PIK3AP1: variants seen among roughly 807,000 people sequenced by gnomAD.
PIK3AP1 encodes the protein phosphoinositide-3-kinase adaptor protein 1.
Under a neutral mutation model 88.1 loss-of-function variants are expected in PIK3AP1, and 21 were observed. The ratio of observed to expected loss-of-function variants is 0.24; its 90% CI spans 0.17 to 0.34. PIK3AP1 has a LOEUF of 0.34. PIK3AP1 is among the 10% of genes least tolerant of loss of function. The pLI, the probability that PIK3AP1 is intolerant of heterozygous loss-of-function variation, is 1.00. For missense variants in PIK3AP1, 828 were observed against 1,035.7 expected (o/e 0.80, Z 2.75); for synonymous variants, 398 against 400.0 (o/e 1.00, Z 0.06).
intron 2 of PIK3AP1, among the ~76,000 whole-genome samples, chr10:96,689,396 C>T (rs1343990439): frequency 6.6e-6 from 1 of 151,036 alleles, no homozygotes; most frequent in Non-Finnish European, 1.5e-5. Context: ...AACCCCGTCT[C>T]TACTAAAAAT....
intron 2 of PIK3AP1, among the ~76,000 whole-genome samples, chr10:96,698,589 TG>T (rs1166436429): frequency 6.6e-6 from 1 of 152,054 alleles, no homozygotes; most frequent in Admixed American, 6.6e-5. Context: ...TAAACTAAGC[TG>T]GGTGCAGTGG....
In PIK3AP1 at chr10:96,700,962, A is replaced by AT. The variant is rs1844290693; in HGVS notation, c.430+8604dup. 4 of 880,666 alleles carry AT rather than the reference A, an allele frequency of 4.5e-6. No individual in the cohort carries two copies. The South Asian group carries it at 2.1e-4, about 46-fold the overall frequency. 54.6% of individuals were successfully genotyped at this position (880,666 alleles called of 1,614,324 possible). On this transcript the variant is annotated intron_variant, in intron 2 of 16. Transcript: ENST00000339364. ...TGCCCATAACAGCCCATAATAGCCT[A>AT]TAACAGACCACAGGGCCTGAGCTAC...
chr10:96,653,222 T>G (rs1404404409), intron 3 of PIK3AP1, among the ~76,000 whole-genome samples: 1 of 151,642 alleles, frequency 6.6e-6, no homozygotes, highest in Non-Finnish European at 1.5e-5. Flanking sequence ...CTGGCCAACA[T>G]GGTGAAACCC....
intron 2 of PIK3AP1, chr10:96,700,674 C>T: frequency 5.4e-6 from 2 of 367,730 alleles, no homozygotes; most frequent in Non-Finnish European, 7.6e-6. Flanking sequence ...AAGAGCAACC[C>T]AACAGCCCAC....
intron 8 of PIK3AP1, among the ~76,000 whole-genome samples, chr10:96,632,532 T>G (rs773626163): frequency 9.4e-5 from 14 of 148,498 alleles, no homozygotes; most frequent in Non-Finnish European, 2.0e-4. Context: ...CTAAGTACCT[T>G]CCACAGACAC....
chr10:96,628,142 T>TA (rs1227381134), intron 9 of PIK3AP1, among the ~76,000 whole-genome samples: 3 of 151,998 alleles, frequency 2.0e-5, no homozygotes, highest in African/African-American at 7.3e-5. Context: ...CAGATGCATT[T>TA]AAAAAAAACT....
intron 8 of PIK3AP1, among the ~76,000 whole-genome samples, chr10:96,628,913 T>TC (rs1843198326): frequency 8.6e-6 from 1 of 116,376 alleles, no homozygotes; most frequent in African/African-American, 3.5e-5. Flanking sequence ...TATATGTGTA[T>TC]ATATATATAT....
intron 8 of PIK3AP1, among the ~76,000 whole-genome samples, chr10:96,643,738 A>C (rs574370353): frequency 6.6e-6 from 1 of 152,210 alleles, no homozygotes; most frequent in African/African-American, 2.4e-5. Flanking sequence ...TCTCCAAGGC[A>C]TCCTGTTGGT....
At position 96,652,735 on chromosome 10, in the gene PIK3AP1, C is replaced by T; in HGVS notation, c.675G>A (p.Lys225=). 6.2e-7 allele frequency: 1 copy of T among 1,614,192 alleles called. No individual in the cohort carries two copies. The highest frequency in any genetic ancestry group is 1.1e-5 in the South Asian group (1 of 91,082). ...CTGAAATGGTGTACTCATTCTCCACCTTGGCTTCCATCCTTACAGAGGGAG... is the reference window on the plus strand; with the variant it reads ...CTGAAATGGTGTACTCATTCTCCACTTTGGCTTCCATCCTTACAGAGGGAG... ...EDSPSVRMEA[K]VENEYTISVK... The change falls in exon 4 of 17, where the codon AAG becomes AAA. Residue 225 remains lysine (K), a synonymous_variant. Transcript: ENST00000339364.
rs11188874 is a variant in PIK3AP1 at position 96,653,272 on chromosome 10, G to A, written c.568-430C>T. ...ATACAAAAATTAGCCAGGAGTGGTG[G>A]TGGGTGCCTGTAGTTCCAGTTACTC... On this transcript the variant is annotated intron_variant, in intron 3 of 16. Coordinates refer to ENST00000339364, the MANE Select transcript of PIK3AP1 (RefSeq NM_152309.3). Among the ~76,000 whole-genome samples, 109 of 150,598 alleles carry A rather than the reference G, an allele frequency of 7.2e-4. No homozygotes were observed. The East Asian group carries it at 0.016, about 23-fold the overall frequency.
At chr10:96,599,632 T>C (rs1848850354) in intron 16 of PIK3AP1, among the ~76,000 whole-genome samples, 1 of 152,142 alleles carries the variant, frequency 6.6e-6, no homozygotes, top group Admixed American at 6.5e-5. Flanking sequence ...AAGGCCAGCC[T>C]TCAATCCTGT....
chr10:96,703,074 C>T (rs747727906), intron 2 of PIK3AP1, among the ~76,000 whole-genome samples: 27 of 152,038 alleles, frequency 1.8e-4, no homozygotes, highest in Non-Finnish European at 3.1e-4. Context: ...ACAGGGTTTC[C>T]ACCACATTGC....
intron 13 of PIK3AP1, among the ~76,000 whole-genome samples, chr10:96,614,581 A>C (rs1460149204): frequency 6.6e-6 from 1 of 152,082 alleles, no homozygotes; most frequent in East Asian, 1.9e-4. Flanking sequence ...AACATTCACT[A>C]GGTTAGTACT....
intron 3 of PIK3AP1, among the ~76,000 whole-genome samples, chr10:96,653,777 C>T (rs765970111): frequency 8.5e-5 from 13 of 152,128 alleles, no homozygotes; most frequent in African/African-American, 1.7e-4. Flanking sequence ...CGTGAACCAC[C>T]GCGCCTGGCC....
chr10:96,620,309 T>C (rs979708572), intron 12 of PIK3AP1, 43 bp downstream of exon 12: 1 of 1,595,204 alleles, frequency 6.3e-7, no homozygotes. Context: ...TACTGTCAAG[T>C]GGGGAAATAG....
At position 96,709,813 on chromosome 10, in the gene PIK3AP1, G is replaced by C. The variant is rs1463117485; in HGVS notation, c.184C>G (p.Leu62Val). The change falls in exon 2 of 17, where the codon CTC becomes GTC. Residue 62 changes from leucine to valine, a missense_variant. Physicochemically the swap from Leu to Val is conservative, Grantham distance 32. This residue lies in a region of PIK3AP1 where 610 missense variants were observed against 760.1 expected (regional missense o/e 0.80). Transcript: ENST00000339364. ...AGCACCACGACACAGCGGGTGCTGA[G>C]GAAAAGGCTTAGGTCCTCTGCCGAG... ...SFSAEDLSLF[L>V]STRCVVVLLS... The C allele has an allele frequency of 6.2e-7, 1 of 1,613,836 alleles. No homozygotes were observed. Among genetic ancestry groups the C allele is most frequent in the East Asian group, 2.2e-5 (1 of 44,876 alleles).
intron 1 of PIK3AP1, among the ~76,000 whole-genome samples, chr10:96,715,382 G>A (rs1052557759): frequency 6.6e-6 from 1 of 152,076 alleles, no homozygotes; most frequent in Non-Finnish European, 1.5e-5. Flanking sequence ...AACAGAAGAA[G>A]GACATTACAT....
intron 2 of PIK3AP1, among the ~76,000 whole-genome samples, chr10:96,681,778 A>G (rs1451234381): frequency 6.6e-6 from 1 of 152,178 alleles, no homozygotes; most frequent in East Asian, 1.9e-4. Flanking sequence ...CATGGGTAGC[A>G]GCAACTGCAT....
At chr10:96,623,559 G>C in intron 10 of PIK3AP1, 22 bp from the exon 11 acceptor site, 1 of 1,570,900 alleles carries the variant, frequency 6.4e-7, no homozygotes, top group Non-Finnish European at 8.7e-7. Context: ...AGAATATTCT[G>C]ATTACTGAAA....
Sources: gnomAD v4.1 joint callset for allele counts (sites outside exome capture counted in the v4.1 genomes callset) on GRCh38, gnomAD v4.1.1 for gene constraint, gnomAD v4.1.1 regional missense constraint, MANE v1.5 for transcripts, NCBI Gene and HGNC (gene_info 2026-07-23, HGNC 2026-07-21) for gene names.